KIF6: variants seen among roughly 807,000 people sequenced by gnomAD.
KIF6 encodes kinesin-like protein KIF6.
Under a neutral mutation model 112.7 loss-of-function variants are expected in KIF6, and 106 were observed. The ratio of observed to expected loss-of-function variants is 0.94; its 90% CI spans 0.80 to 1.11. The LOEUF (loss-of-function observed/expected upper bound fraction) is 1.11, where lower values mean the gene tolerates loss of function less well. Ranked by LOEUF, KIF6 falls within the 50% of genes least tolerant of loss-of-function variation. The probability of loss-of-function intolerance (pLI) is 0.00; values close to 1 mark genes in which losing one functional copy is unlikely to be tolerated. For missense variants in KIF6, 929 were observed against 964.0 expected (o/e 0.96, Z 0.48); for synonymous variants, 339 against 339.9 (o/e 1.00, Z 0.03).
At chr6:39,675,952 G>A (rs1028365020) in intron 3 of KIF6, among the ~76,000 whole-genome samples, 1 of 148,964 alleles carries the variant, frequency 6.7e-6, no homozygotes, top group Non-Finnish European at 1.5e-5. Context: ...TAAAAAGAAA[G>A]AAAATATATT....
intron 13 of KIF6, among the ~76,000 whole-genome samples, chr6:39,506,005 A>G (rs1489894894): frequency 6.6e-6 from 1 of 152,250 alleles, no homozygotes; most frequent in Non-Finnish European, 1.5e-5. Flanking sequence ...ATTACTGGGT[A>G]TATACCCAAA....
At chr6:39,468,863 T>A (rs1773956996) in intron 13 of KIF6, among the ~76,000 whole-genome samples, 1 of 152,070 alleles carries the variant, frequency 6.6e-6, no homozygotes, top group Non-Finnish European at 1.5e-5. Context: ...AAAAAGCAAT[T>A]GTATCAAATA....
At chr6:39,589,713 G>T (rs1781829395) in intron 7 of KIF6, among the ~76,000 whole-genome samples, 1 of 152,168 alleles carries the variant, frequency 6.6e-6, no homozygotes, top group African/African-American at 2.4e-5. Context: ...GTTCTTCTGA[G>T]GCAGTTGCAG....
chr6:39,621,647 C>G (rs1411323938), intron 5 of KIF6, among the ~76,000 whole-genome samples: 1 of 152,096 alleles, frequency 6.6e-6, no homozygotes, highest in Non-Finnish European at 1.5e-5. Context: ...AACAAATGTG[C>G]TTAGTAGTGT....
chr6:39,581,540 G>C (rs1457541427), intron 9 of KIF6, among the ~76,000 whole-genome samples: 1 of 151,962 alleles, frequency 6.6e-6, no homozygotes, highest in South Asian at 2.1e-4. Flanking sequence ...ACCTACATGA[G>C]GTAGAGCTAG....
At chr6:39,609,086 C>T (rs529426311) in intron 6 of KIF6, among the ~76,000 whole-genome samples, 1 of 152,324 alleles carries the variant, frequency 6.6e-6, no homozygotes, top group East Asian at 1.9e-4. Flanking sequence ...TCCAAGGACA[C>T]ACACTTGGCA....
At chr6:39,671,367 G>A (rs1419908172) in intron 3 of KIF6, among the ~76,000 whole-genome samples, 1 of 152,196 alleles carries the variant, frequency 6.6e-6, no homozygotes, top group Non-Finnish European at 1.5e-5. Flanking sequence ...AATGCCTGGA[G>A]AGATCTCTAG....
intron 18 of KIF6, 109 bp downstream of exon 18, chr6:39,360,286 G>A (rs1481456502): frequency 3.9e-6 from 5 of 1,278,618 alleles, no homozygotes; most frequent in Non-Finnish European, 5.4e-6. Context: ...AGCAGGGGCT[G>A]AGACCATGGG....
chr6:39,447,242 G>A (rs1772389286), intron 13 of KIF6, among the ~76,000 whole-genome samples: 1 of 152,138 alleles, frequency 6.6e-6, no homozygotes, highest in Non-Finnish European at 1.5e-5. Flanking sequence ...CAGGACAGGG[G>A]CTTTCCACCA....
chr6:39,402,550 G>C (rs1051879048), intron 15 of KIF6, among the ~76,000 whole-genome samples: 4 of 152,178 alleles, frequency 2.6e-5, no homozygotes, highest in Non-Finnish European at 4.4e-5. Flanking sequence ...AATTTTGCTG[G>C]CTTGGCCATA....
chr6:39,711,787 TTAATAA>T (rs948033095), intron 3 of KIF6, among the ~76,000 whole-genome samples: 6 of 151,974 alleles, frequency 3.9e-5, no homozygotes, highest in African/African-American at 1.5e-4. Flanking sequence ...TTAATAAAAA[TTAATAA>T]TAATAATTCA....
rs75488913 is a variant in KIF6 at position 39,484,258 on chromosome 6, C to T, written c.1646-53097G>A. On this transcript the variant is annotated intron_variant, in intron 13 of 22. Transcript: ENST00000287152. The stretch of plus-strand genomic sequence containing the variant: ...GCAGATGCTTAATTAACAAATTAGA[C>T]CCACAAATATTTATTGAGTAGCTTG... 3.3e-5 allele frequency among the ~76,000 whole-genome samples: 5 copies of T among 152,240 alleles called. No homozygotes were observed. The East Asian group carries it at 9.6e-4, about 29-fold the overall frequency.
chr6:39,426,523 G>A (rs190769547), intron 14 of KIF6, among the ~76,000 whole-genome samples: 10 of 152,172 alleles, frequency 6.6e-5, no homozygotes, highest in Middle Eastern at 3.2e-3. Flanking sequence ...GCCCAGGGAG[G>A]GGGGAGGATC....
At chr6:39,609,847 C>CA (rs1337684034) in intron 6 of KIF6, among the ~76,000 whole-genome samples, 1 of 152,140 alleles carries the variant, frequency 6.6e-6, no homozygotes, top group Non-Finnish European at 1.5e-5. Flanking sequence ...TAAAATGCTA[C>CA]AATGCACATT....
At chr6:39,444,780 C>T (rs1282236169) in intron 13 of KIF6, among the ~76,000 whole-genome samples, 2 of 151,502 alleles carry the variant, frequency 1.3e-5, no homozygotes. Context: ...CTCATAAATA[C>T]CAGCAAACCA....
chr6:39,549,743 A>C (rs1779267959), intron 10 of KIF6, among the ~76,000 whole-genome samples: 1 of 152,238 alleles, frequency 6.6e-6, no homozygotes. Context: ...GGAAGGAATC[A>C]GAATGTGCTG....
At chr6:39,694,254 G>T (rs1002423656) in intron 3 of KIF6, among the ~76,000 whole-genome samples, 6 of 152,032 alleles carry the variant, frequency 3.9e-5, no homozygotes, top group Non-Finnish European at 7.4e-5. Flanking sequence ...CTTAAGAACT[G>T]CAACAAGGCA....
At chr6:39,412,583 G>A (rs1466779857) in intron 15 of KIF6, among the ~76,000 whole-genome samples, 4 of 152,020 alleles carry the variant, frequency 2.6e-5, no homozygotes, top group African/African-American at 4.8e-5. Flanking sequence ...ATACACAGTC[G>A]GTTCTCTTAC....
intron 3 of KIF6, among the ~76,000 whole-genome samples, chr6:39,649,975 T>C (rs967708887): frequency 6.6e-6 from 1 of 152,204 alleles, no homozygotes; most frequent in African/African-American, 2.4e-5. Context: ...CACTCTTGGA[T>C]ATCTCACAAA....
Sources: gnomAD v4.1 joint callset for allele counts (sites outside exome capture counted in the v4.1 genomes callset) on GRCh38, gnomAD v4.1.1 for gene constraint, MANE v1.5 for transcripts, NCBI Gene and HGNC (gene_info 2026-07-23, HGNC 2026-07-21) for gene names.